The following MGAT4C variants were observed in gnomAD, a reference collection of about 807,000 sequenced individuals.
The protein encoded by MGAT4C is MGAT4 family member C, also known as alpha-1,3-mannosyl-glycoprotein 4-beta-N-acetylglucosaminyltransferase C.
Under a neutral mutation model 40.1 loss-of-function variants are expected in MGAT4C, and 19 were observed. The observed-to-expected ratio is 0.47, with a 90% CI of 0.33 to 0.70. MGAT4C has a LOEUF of 0.70. Among genes scored for constraint, MGAT4C ranks in the 30% least tolerant of loss-of-function variants. MGAT4C has a pLI of 0.02. For missense variants in MGAT4C, 491 were observed against 563.2 expected (o/e 0.87, Z 1.30); for synonymous variants, 181 against 187.1 (o/e 0.97, Z 0.27).
At chr12:86,563,399 A>G (rs1470407743) in intron 2 of MGAT4C, among the ~76,000 whole-genome samples, 1 of 152,206 alleles carries the variant, frequency 6.6e-6, no homozygotes, top group African/African-American at 2.4e-5. Flanking sequence ...AGTGAAATTG[A>G]TAAGAAGCCT....
chr12:86,674,089 T>C (rs889243390), intron 2 of MGAT4C, among the ~76,000 whole-genome samples: 2 of 152,020 alleles, frequency 1.3e-5, no homozygotes, highest in Non-Finnish European at 2.9e-5. Context: ...TTTGAGACAA[T>C]TAAACAACCA....
chr12:86,273,976 C>T lies in MGAT4C; in HGVS notation c.-57+60089G>A, dbSNP rs1953009842. ...AAAGAGGCTTAACTGGTTGACAGTTCCACAGGTGGTACAAAGAGCGTAATG... is the reference window on the plus strand; with the variant it reads ...AAAGAGGCTTAACTGGTTGACAGTTTCACAGGTGGTACAAAGAGCGTAATG... On this transcript the variant is annotated intron_variant, in intron 4 of 7. Coordinates refer to the MGAT4C transcript ENST00000548651. Among the ~76,000 whole-genome samples the T allele has an allele frequency of 2.6e-5, 4 of 152,138 alleles. No homozygotes were observed. In the South Asian group the frequency reaches 6.2e-4, roughly 24 times the overall value.
At chr12:86,440,447 C>T (rs2136277458) in intron 2 of MGAT4C, among the ~76,000 whole-genome samples, 2 of 152,070 alleles carry the variant, frequency 1.3e-5, no homozygotes, top group South Asian at 4.1e-4. Context: ...GATAAAAACT[C>T]TCAGTAACCT....
chr12:86,584,636 T>G (rs143777623), intron 2 of MGAT4C, among the ~76,000 whole-genome samples: 1 of 151,430 alleles, frequency 6.6e-6, no homozygotes, highest in African/African-American at 2.4e-5. Context: ...TTCTATTGGA[T>G]CAAGGCCTAG....
At chr12:86,219,594 T>C (rs1326187278) in intron 1 of MGAT4C, among the ~76,000 whole-genome samples, 2 of 152,180 alleles carry the variant, frequency 1.3e-5, no homozygotes, top group African/African-American at 4.8e-5. Context: ...CTTATTAGTA[T>C]CCCCTTATAG....
chr12:86,033,493 T>C (rs1182244105), intron 2 of MGAT4C, among the ~76,000 whole-genome samples: 1 of 149,630 alleles, frequency 6.7e-6, no homozygotes, highest in African/African-American at 2.4e-5. Context: ...GCTGTATTTC[T>C]AGGTAATTTT....
chr12:86,503,935 A>T (rs543634384), intron 2 of MGAT4C, among the ~76,000 whole-genome samples: 171 of 150,336 alleles, frequency 1.1e-3, no homozygotes, highest in Admixed American at 3.5e-3. Context: ...TCAACAAACA[A>T]CTTACGTTTA....
At chr12:86,347,498 C>A (rs962107546) in intron 3 of MGAT4C, among the ~76,000 whole-genome samples, 1 of 152,138 alleles carries the variant, frequency 6.6e-6, no homozygotes, top group Non-Finnish European at 1.5e-5. Context: ...AGTCTCTGAG[C>A]ACCTTTGGAA....
At chr12:86,037,080 A>C (rs1406476854) in intron 2 of MGAT4C, among the ~76,000 whole-genome samples, 3 of 149,988 alleles carry the variant, frequency 2.0e-5, no homozygotes, top group African/African-American at 7.3e-5. Flanking sequence ...TTTGCGTAGA[A>C]GTGTTTATAG....
intron 1 of MGAT4C, among the ~76,000 whole-genome samples, chr12:86,168,701 T>C (rs1886455581): frequency 6.6e-6 from 1 of 152,134 alleles, no homozygotes; most frequent in African/African-American, 2.4e-5. Flanking sequence ...TTAATTTTGT[T>C]GTACTGTGAT....
intron 3 of MGAT4C, among the ~76,000 whole-genome samples, chr12:86,414,969 A>G (rs180854564): frequency 1.3e-5 from 2 of 152,206 alleles, no homozygotes; most frequent in Admixed American, 6.5e-5. Flanking sequence ...AGCAATAAGC[A>G]TCTATAACAA....
At chr12:86,688,534 A>G (rs188784280) in intron 2 of MGAT4C, among the ~76,000 whole-genome samples, 12 of 152,290 alleles carry the variant, frequency 7.9e-5, no homozygotes, top group Non-Finnish European at 4.4e-5. Context: ...CCTGTAAGCT[A>G]GGCCTGGTGG....
chr12:86,190,450 C>T (rs1221281085), intron 1 of MGAT4C, among the ~76,000 whole-genome samples: 1 of 152,072 alleles, frequency 6.6e-6, no homozygotes, highest in Admixed American at 6.6e-5. Context: ...CAAATTTTCA[C>T]ATTTATGAAT....
At chr12:86,448,573 G>A (rs1210316613) in intron 2 of MGAT4C, among the ~76,000 whole-genome samples, 1 of 152,128 alleles carries the variant, frequency 6.6e-6, no homozygotes, top group Non-Finnish European at 1.5e-5. Flanking sequence ...ACTTTTGTTT[G>A]TTTGCTGTAT....
intron 2 of MGAT4C, among the ~76,000 whole-genome samples, chr12:86,700,267 G>A (rs1045355445): frequency 6.6e-6 from 1 of 151,996 alleles, no homozygotes; most frequent in African/African-American, 2.4e-5. Flanking sequence ...AGGTCATCAA[G>A]CCATACATAT....
chr12:86,431,207 C>T (rs552101820), intron 3 of MGAT4C, among the ~76,000 whole-genome samples: 1 of 152,262 alleles, frequency 6.6e-6, no homozygotes, highest in South Asian at 2.1e-4. Context: ...TGACTGGTAT[C>T]TGCAATTGGG....
At chr12:86,544,730 TAAGA>T (rs1959184310) in intron 2 of MGAT4C, among the ~76,000 whole-genome samples, 3 of 151,970 alleles carry the variant, frequency 2.0e-5, no homozygotes, top group African/African-American at 7.2e-5. Context: ...TTGCTATAAA[TAAGA>T]AAGAAAGACA....
At chr12:86,068,486 A>T (rs1405917731) in intron 1 of MGAT4C, 1 of 150,862 alleles carries the variant, frequency 6.6e-6, no homozygotes, top group Non-Finnish European at 1.5e-5. Flanking sequence ...GAGTTGATGT[A>T]AGTCATAACT....
chr12:86,679,343 T>A (rs1324858997), intron 2 of MGAT4C, among the ~76,000 whole-genome samples: 1 of 152,134 alleles, frequency 6.6e-6, no homozygotes, highest in Non-Finnish European at 1.5e-5. Flanking sequence ...ACCATCAAGA[T>A]CTTCTTTAAG....
Sources: allele counts gnomAD v4.1 joint callset (sites outside exome capture counted in the v4.1 genomes callset), GRCh38; gene constraint gnomAD v4.1.1; transcripts MANE v1.5; gene names NCBI Gene and HGNC (gene_info 2026-07-23, HGNC 2026-07-21).